COL14A1: variants seen among roughly 807,000 people sequenced by gnomAD.
COL14A1 encodes the protein collagen type XIV alpha 1 chain, also known as collagen alpha-1(XIV) chain.
COL14A1 carries 136 observed loss-of-function variants against 230.3 expected under a neutral mutation model. That is an observed-to-expected ratio of 0.59 (90% confidence interval 0.51 to 0.68). The LOEUF is 0.68. COL14A1 is among the 30% of genes least tolerant of loss of function. The probability of loss-of-function intolerance (pLI) is 0.00; values close to 1 mark genes in which losing one functional copy is unlikely to be tolerated. For missense variants in COL14A1, 1,976 were observed against 2,215.8 expected (o/e 0.89, Z 2.17); for synonymous variants, 792 against 784.1 (o/e 1.01, Z -0.17).
chr8:120,218,741 A>G (rs999838161), intron 14 of COL14A1, among the ~76,000 whole-genome samples: 11 of 152,204 alleles, frequency 7.2e-5, no homozygotes, highest in African/African-American at 2.7e-4. Flanking sequence ...CAAGGATACT[A>G]GGGACTGGTG....
chr8:120,360,762 C>T (rs73705073), intron 45 of COL14A1, among the ~76,000 whole-genome samples: 2,226 of 152,256 alleles, frequency 0.015, 48 homozygotes, highest in African/African-American at 0.049. Flanking sequence ...CTTTTGACTC[C>T]GGATTCCCAG....
At chr8:120,306,336 G>A (rs902242996) in intron 36 of COL14A1, among the ~76,000 whole-genome samples, 1 of 152,052 alleles carries the variant, frequency 6.6e-6, no homozygotes, top group Non-Finnish European at 1.5e-5. Context: ...GATGTGAAAG[G>A]GAAGGGTTGA....
intron 24 of COL14A1, 145 bp from the exon 25 acceptor site, chr8:120,266,682 G>A (rs758967801): frequency 1.6e-5 from 11 of 673,526 alleles, no homozygotes; most frequent in Non-Finnish European, 2.6e-5. Flanking sequence ...CACAGGCTGC[G>A]GCTGATTTAT....
chr8:120,128,259 G>A (rs1433741459), intron 1 of COL14A1, among the ~76,000 whole-genome samples: 1 of 146,382 alleles, frequency 6.8e-6, no homozygotes, highest in Non-Finnish European at 1.5e-5. Context: ...GTGTGTGTGT[G>A]TGTTGGAAAT....
In COL14A1 at chr8:120,312,796, AT is replaced by A. The variant is rs561704368; in HGVS notation, c.4456-1135del. Among the ~76,000 whole-genome samples the A allele has an allele frequency of 2.5e-3, 378 of 152,242 alleles. 2 individuals carry two copies. Among genetic ancestry groups the A allele is most frequent in the Non-Finnish European group, 4.0e-3 (269 of 68,008 alleles). On this transcript the variant is annotated intron_variant, in intron 37 of 47. Coordinates refer to ENST00000297848, the MANE Select transcript of COL14A1 (RefSeq NM_021110.4). ...TTATCTACCCACACTTTACCCCACAATGCCTTTTTTTCTGTATTCTTTGTCC... is the reference window on the plus strand; with the variant it reads ...TTATCTACCCACACTTTACCCCACAAGCCTTTTTTTCTGTATTCTTTGTCC...
chr8:120,289,486 C>A, intron 33 of COL14A1, 122 bp from the exon 34 acceptor site: 1 of 904,478 alleles, frequency 1.1e-6, no homozygotes, highest in Non-Finnish European at 1.6e-6. Flanking sequence ...TGGCAAAATA[C>A]ATGGTGACAG....
At chr8:120,289,859 A>G in intron 34 of COL14A1, 93 bp downstream of exon 34, 2 of 1,320,598 alleles carry the variant, frequency 1.5e-6, no homozygotes, top group Non-Finnish European at 2.1e-6. Context: ...AGGTTTAACA[A>G]AAAGATGAAT....
Position 120,255,296 on chromosome 8 carries a change from G to A in COL14A1, c.2809G>A (p.Ala937Thr). 2 of 1,614,164 alleles carry A rather than the reference G, an allele frequency of 1.2e-6. No individual in the cohort carries two copies. Among genetic ancestry groups the A allele is most frequent in the Admixed American group, 3.3e-5 (2 of 60,022 alleles). Residue 937 changes from alanine to threonine, a missense_variant, in exon 23 of 48, where the codon GCC becomes ACC. By Grantham distance (58) the Ala-to-Thr change is moderately conservative. This residue lies in a region of COL14A1 where 1,791 missense variants were observed against 2,019.5 expected (regional missense o/e 0.89). Transcript: ENST00000297848. ...AKHVEMTSLC[A>T]HWQVHRHATA... is the part of the protein sequence containing the mutation. ...ACATGTTGAAATGACCAGCTTGTGT[G>A]CCCACTGGCAGGTACATCGCCATGC...
chr8:120,296,796 A>C (rs1820543254), intron 34 of COL14A1, among the ~76,000 whole-genome samples: 1 of 152,002 alleles, frequency 6.6e-6, no homozygotes, highest in South Asian at 2.1e-4. Context: ...TATTTATGGC[A>C]TGATCAATGG....
At chr8:120,220,987 C>T (rs1037875109) in intron 14 of COL14A1, among the ~76,000 whole-genome samples, 1 of 152,290 alleles carries the variant, frequency 6.6e-6, no homozygotes, top group East Asian at 1.9e-4. Flanking sequence ...GTAATCCTTA[C>T]AGAACCAAAT....
chr8:120,339,440 C>T (rs745402422), intron 42 of COL14A1, among the ~76,000 whole-genome samples: 5 of 152,120 alleles, frequency 3.3e-5, no homozygotes, highest in Non-Finnish European at 7.4e-5. Flanking sequence ...ATCCTTTCCT[C>T]GGAAGCCCAG....
intron 26 of COL14A1, among the ~76,000 whole-genome samples, chr8:120,272,976 G>A (rs79432425): frequency 0.021 from 3,259 of 151,718 alleles, 49 homozygotes; most frequent in Non-Finnish European, 0.033. Context: ...TTCTATACAA[G>A]AAGTGCAGAA....
chr8:120,313,325 A>G (rs563735199), intron 37 of COL14A1, among the ~76,000 whole-genome samples: 6 of 152,194 alleles, frequency 3.9e-5, no homozygotes, highest in Non-Finnish European at 7.3e-5. Context: ...AAGCCACTGC[A>G]CTCCAGCCTG....
At position 120,162,742 on chromosome 8, in the gene COL14A1, A is replaced by G. The variant is rs141309120; in HGVS notation, c.349+173A>G. 4.6e-5 allele frequency among the ~76,000 whole-genome samples: 7 copies of G among 152,154 alleles called. No individual in the cohort carries two copies. In the East Asian group the frequency reaches 1.2e-3, roughly 25 times the overall value. On this transcript the variant is annotated intron_variant, in intron 4 of 47. Transcript: ENST00000297848. ...TTCCTCTGATCTCTAATACTTTGCT[A>G]CCCTTCCCTTTCCCCCATTTTGCTA...
At chr8:120,166,911 TGTGTGTGTGTG>T (rs1332722145) in intron 4 of COL14A1, among the ~76,000 whole-genome samples, 27 of 148,578 alleles carry the variant, frequency 1.8e-4, no homozygotes, top group African/African-American at 4.1e-4. Context: ...TGTGTGTGTG[TGTGTGTGTGTG>T]GTGGTGATGA....
intron 44 of COL14A1, among the ~76,000 whole-genome samples, chr8:120,344,245 G>T (rs1157138450): frequency 1.3e-5 from 2 of 152,196 alleles, no homozygotes; most frequent in Non-Finnish European, 2.9e-5. Flanking sequence ...CAACCATCTT[G>T]CCTTACACTA....
At position 120,208,219 on chromosome 8, in the gene COL14A1, G is replaced by A; in HGVS notation, c.1192-13G>A. On this transcript the variant is annotated splice_polypyrimidine_tract_variant and intron_variant, in intron 10 of 47. Coordinates refer to ENST00000297848, the MANE Select transcript of COL14A1 (RefSeq NM_021110.4). ...ATTCCATACTCTCATTACTCAAACT[G>A]TTCTTTAAACAGGTGGTGGTAGATG... 6.3e-7 allele frequency: 1 copy of A among 1,597,462 alleles called. No homozygotes were observed. Among genetic ancestry groups the A allele is most frequent in the South Asian group, 1.1e-5 (1 of 89,132 alleles).
chr8:120,214,719 C>G (rs1470559921), intron 13 of COL14A1, among the ~76,000 whole-genome samples: 1 of 151,878 alleles, frequency 6.6e-6, no homozygotes, highest in Non-Finnish European at 1.5e-5. Flanking sequence ...ATTATCTAAC[C>G]CCCTGAGATT....
chr8:120,173,828 CAT>C (rs1816182805), intron 5 of COL14A1, among the ~76,000 whole-genome samples: 2 of 152,082 alleles, frequency 1.3e-5, no homozygotes, highest in Non-Finnish European at 2.9e-5. Flanking sequence ...TATATCTACT[CAT>C]ATGGTCAATC....
Sources: gnomAD v4.1 joint callset for allele counts (sites outside exome capture counted in the v4.1 genomes callset) on GRCh38, gnomAD v4.1.1 for gene constraint, gnomAD v4.1.1 regional missense constraint, MANE v1.5 for transcripts, NCBI Gene and HGNC (gene_info 2026-07-23, HGNC 2026-07-21) for gene names.